The following ACYP1 variants were observed in gnomAD, a reference collection of about 807,000 sequenced individuals.
ACYP1 encodes the protein acylphosphatase-1.
ACYP1 carries 8 observed loss-of-function variants against 10.4 expected under a neutral mutation model. That is an observed-to-expected ratio of 0.77 (90% CI 0.45 to 1.38). ACYP1 has a LOEUF of 1.38. Among genes scored for constraint, ACYP1 ranks in the 40% most tolerant of loss-of-function variants. The pLI is 0.00. For missense variants in ACYP1, 93 were observed against 117.3 expected (o/e 0.79, Z 0.96); for synonymous variants, 38 against 40.8 (o/e 0.93, Z 0.26).
intron 2 of ACYP1, among the ~76,000 whole-genome samples, chr14:75,062,072 G>T (rs1052971345): frequency 6.4e-5 from 8 of 125,170 alleles, no homozygotes; most frequent in East Asian, 2.2e-4. Flanking sequence ...TTGCACTCCA[G>T]CCTGGGCAAA....
At chr14:75,061,375 A>C (rs1893011676) in intron 2 of ACYP1, among the ~76,000 whole-genome samples, 1 of 152,252 alleles carries the variant, frequency 6.6e-6, no homozygotes, top group Admixed American at 6.5e-5. Flanking sequence ...AATTTAAATA[A>C]GAGGCTAGAT....
rs1273506063 is a variant in ACYP1, at chr14:75,063,530, T to C, written c.24A>G (p.Ile8Met). 2.5e-6 allele frequency: 4 copies of C among 1,613,624 alleles called. No homozygotes were observed. The highest frequency in any genetic ancestry group is 1.3e-5 in the African/African-American group (1 of 74,884). MAEGNTL[I>M]SVDYEIFGKV... is the part of the protein sequence containing the mutation. ...TCCCAAAAATTTCATAATCCACTGATATCAGGGTGTTTCCTTCTGCCATGC... is the reference window on the plus strand; with the variant it reads ...TCCCAAAAATTTCATAATCCACTGACATCAGGGTGTTTCCTTCTGCCATGC... The change falls in exon 2 of 3, where the codon ATA becomes ATG. Residue 8 changes from isoleucine (I) to methionine (M), a missense_variant. By Grantham distance (10) the Ile-to-Met change is conservative (BLOSUM62 1). Transcript: ENST00000238618.
At chr14:75,060,806 G>A (rs10149362) in intron 2 of ACYP1, among the ~76,000 whole-genome samples, 65,972 of 152,040 alleles carry the variant, frequency 0.43, 15,999 homozygotes, top group East Asian at 0.84. Flanking sequence ...TGGCTCATGC[G>A]TGTAATCCCA....
chr14:75,064,066 G>T, upstream of ACYP1: 3 of 984,922 alleles, frequency 3.0e-6, no homozygotes, highest in Non-Finnish European at 3.6e-6. Flanking sequence ...CTGCTCCTTC[G>T]CTGTCGCTCA....
At chr14:75,064,032 C>A (rs1893098961), upstream of ACYP1, 5 of 988,076 alleles carry the variant, frequency 5.1e-6, no homozygotes, top group Non-Finnish European at 6.0e-6. Context: ...CGCAAACCTC[C>A]GCGCCCGGAA....
exon 1 of ACYP1, chr14:75,069,358 A>G: frequency 8.2e-7 from 1 of 1,224,420 alleles, no homozygotes; most frequent in Non-Finnish European, 1.1e-6. Context: ...GGCACACCCC[A>G]AGGTCTGGGA....
At chr14:75,066,090 C>T (rs1893137960), upstream of ACYP1, among the ~76,000 whole-genome samples, 1 of 152,190 alleles carries the variant, frequency 6.6e-6, no homozygotes, top group Non-Finnish European at 1.5e-5. Flanking sequence ...AGTCTTAACA[C>T]ACAGTCAGGG....
chr14:75,069,313 G>T, exon 1 of ACYP1: 2 of 1,423,384 alleles, frequency 1.4e-6, no homozygotes, highest in Non-Finnish European at 1.8e-6. Flanking sequence ...AGCACGCGGA[G>T]GCACAGCCAG....
In ACYP1 at chr14:75,053,454, A is replaced by G; in HGVS notation, c.290T>C (p.Ile97Thr). 2 of 1,614,180 alleles carry G rather than the reference A, an allele frequency of 1.2e-6. No homozygotes were observed. The highest frequency in any genetic ancestry group is 8.5e-7 in the Non-Finnish European group (1 of 1,180,000). The change falls in exon 3 of 3, where the codon ATT becomes ACT. Residue 97 changes from isoleucine to threonine, a missense_variant. Coordinates refer to ENST00000238618, the MANE Select transcript of ACYP1 (RefSeq NM_001107.5). ...ILKLDYSDFQIVK is the reference protein window; with the variant it reads ...ILKLDYSDFQTVK ...CTTAAATTCAGGCCATTATTTTACA[A>G]TTTGGAAGTCTGAGTAATCCAACTT...
At position 75,063,961 on chromosome 14, in the gene ACYP1, G is replaced by C; in HGVS notation, c.-16C>G. On this transcript the variant is annotated 5_prime_UTR_variant, in exon 1 of 3. Coordinates refer to ENST00000238618, the MANE Select transcript of ACYP1 (RefSeq NM_001107.5). Reference sequence around the variant, plus strand: ...GGGCCCCTGGCGGCTCACCCTCCTTGTCTTCCCCACCGGCTGCCAGGATCA... The same window carrying C: ...GGGCCCCTGGCGGCTCACCCTCCTTCTCTTCCCCACCGGCTGCCAGGATCA... 3 of 998,882 alleles carry C rather than the reference G, an allele frequency of 3.0e-6. No homozygotes were observed. The highest frequency in any genetic ancestry group is 3.6e-6 in the Non-Finnish European group (3 of 837,416). The allele number at this position is 998,882 out of a possible 1,614,324, so 61.9% of individuals were successfully genotyped here. A position where few individuals can be genotyped will look rare whatever the true frequency, so the allele number is the denominator to read the frequency against.
At chr14:75,069,338 G>T in exon 1 of ACYP1, 1 of 1,354,070 alleles carries the variant, frequency 7.4e-7, no homozygotes, top group Non-Finnish European at 9.6e-7. Context: ...TCCGCCCTTT[G>T]CCAGACAAGG....
At chr14:75,055,633 A>T (rs1053266922) in intron 2 of ACYP1, among the ~76,000 whole-genome samples, 3 of 151,498 alleles carry the variant, frequency 2.0e-5, no homozygotes, top group Non-Finnish European at 2.9e-5. Flanking sequence ...TCATCTGACA[A>T]CATTTCAAGG....
chr14:75,056,211 C>T (rs1892874079), intron 2 of ACYP1, among the ~76,000 whole-genome samples: 1 of 151,082 alleles, frequency 6.6e-6, no homozygotes, highest in Non-Finnish European at 1.5e-5. Context: ...CTTTACCAAC[C>T]CTTCACAAAC....
chr14:75,063,946 C>A lies in ACYP1; in HGVS notation c.-9+8G>T. ...AGAAGCACACCCTGGGGGCCCCTGG[C>A]GGCTCACCCTCCTTGTCTTCCCCAC... On this transcript the variant is annotated splice_region_variant and intron_variant, in intron 1 of 2. Transcript: ENST00000238618. The A allele has an allele frequency of 2.0e-6, 2 of 1,000,520 alleles. No homozygotes were observed. The highest frequency in any genetic ancestry group is 2.4e-6 in the Non-Finnish European group (2 of 838,194). The allele number at this position is 1,000,520 out of a possible 1,614,324, so 62.0% of individuals were successfully genotyped here. A position where few individuals can be genotyped will look rare whatever the true frequency, so the allele number is the denominator to read the frequency against.
chr14:75,069,253 C>A, exon 1 of ACYP1: 1 of 1,487,296 alleles, frequency 6.7e-7, no homozygotes, highest in Admixed American at 2.5e-5. Context: ...GAAAGGCCAG[C>A]AGCAGCCCCG....
chr14:75,053,682 G>A lies in ACYP1; in HGVS notation c.85-23C>T, dbSNP rs753052265. On this transcript the variant is annotated intron_variant, in intron 2 of 2. Transcript: ENST00000238618. ...AGCCTAAGGGGGGTAAAAAGAGAGA[G>A]AGATCCAGTGAGATTGAAGAAAACA... is the stretch of plus-strand genomic sequence containing the variant. The A allele has an allele frequency of 2.5e-6, 4 of 1,598,258 alleles. No individual in the cohort carries two copies. The South Asian group carries it at 4.4e-5, about 18-fold the overall frequency.
At chr14:75,061,661 C>T in intron 2 of ACYP1, 1 of 1,532,150 alleles carries the variant, frequency 6.5e-7, no homozygotes. Flanking sequence ...TTATCTCAAT[C>T]ACCTTAATTT....
Position 75,053,380 on chromosome 14 carries a change from C to A in ACYP1, c.*64G>T. 1 of 1,395,980 alleles carries A rather than the reference C, an allele frequency of 7.2e-7. No homozygotes were observed. The allele number at this position is 1,395,980 out of a possible 1,614,324, so 86.5% of individuals were successfully genotyped here. ...ATGCTAATATTAACACACAATAGTTCTATCTCTATTAATAATAAAAACCAA... is the reference window on the plus strand; with the variant it reads ...ATGCTAATATTAACACACAATAGTTATATCTCTATTAATAATAAAAACCAA... On this transcript the variant is annotated 3_prime_UTR_variant, in exon 3 of 3. Transcript: ENST00000238618.
upstream of ACYP1, among the ~76,000 whole-genome samples, chr14:75,067,652 G>C (rs1373663995): frequency 6.6e-6 from 1 of 152,120 alleles, no homozygotes; most frequent in East Asian, 1.9e-4. Context: ...TTGAGTATAT[G>C]TTAAAACCAA....
Sources: gnomAD v4.1 joint callset for allele counts (sites outside exome capture counted in the v4.1 genomes callset) on GRCh38, gnomAD v4.1.1 for gene constraint, MANE v1.5 for transcripts, NCBI Gene and HGNC (gene_info 2026-07-23, HGNC 2026-07-21) for gene names.